CRNKL1: variants seen among roughly 807,000 people sequenced by gnomAD.
The protein encoded by CRNKL1 is crooked neck-like protein 1.
In CRNKL1, 35 loss-of-function variants were observed where a neutral mutation model predicts 103.7. That is an observed-to-expected ratio of 0.34 (90% CI 0.26 to 0.45). The LOEUF (loss-of-function observed/expected upper bound fraction) is 0.45. CRNKL1 is among the 20% of genes least tolerant of loss of function. CRNKL1 has a pLI of 1.00. For missense variants in CRNKL1, 645 were observed against 836.0 expected, an observed-to-expected ratio of 0.77 and a Z score of 2.82; for synonymous variants, 267 against 282.6, an observed-to-expected ratio of 0.94 and a Z score of 0.55.
At chr20:20,040,660 G>A in intron 10 of CRNKL1, 26 bp downstream of exon 10, 1 of 1,527,362 alleles carries the variant, frequency 6.5e-7, no homozygotes, top group Non-Finnish European at 9.0e-7. Context: ...AACTTGATGA[G>A]ACATCTTGAT....
intron 5 of CRNKL1, 106 bp downstream of exon 5, chr20:20,047,659 A>C: frequency 9.0e-7 from 1 of 1,116,770 alleles, no homozygotes; most frequent in Non-Finnish European, 1.2e-6. Flanking sequence ...CTTGACTTTG[A>C]GCCTGACATT....
Position 20,039,714 on chromosome 20 carries a change from G to A in CRNKL1, c.1440C>T (p.Thr480=), listed in dbSNP as rs773650568. ...CTAATTCAGCGAATTTAATCCATGA[G>A]GTACAATTTTCAGGTCCAAATTCCA... The part of the protein sequence containing the change: ...KFLEFGPENC[T]SWIKFAELET... Residue 480 remains threonine, a synonymous_variant, in exon 11 of 14, where the codon ACC becomes ACT. Transcript: ENST00000536226. 1.2e-6 allele frequency: 2 copies of A among 1,614,152 alleles called. No individual in the cohort carries two copies. The highest frequency in any genetic ancestry group is 2.2e-5 in the East Asian group (1 of 44,888).
rs372781262 is a variant in CRNKL1, at chr20:20,040,559, C to T, written c.1305+127G>A. 1,371 of 714,920 alleles carry T rather than the reference C, an allele frequency of 1.9e-3. 35 individuals are homozygous for T. In the South Asian group the frequency reaches 0.022, roughly 12 times the overall value. The allele number at this position is 714,920 out of a possible 1,614,324, so 44.3% of individuals were successfully genotyped here. On this transcript the variant is annotated intron_variant, in intron 10 of 13. Transcript: ENST00000536226. ...AGAGGACGCATGTTTTCTAACATGT[C>T]CCAGGCTATAAAGGTATAATACTTC...
chr20:20,046,397 G>A (rs925720463), intron 5 of CRNKL1, among the ~76,000 whole-genome samples: 1 of 152,224 alleles, frequency 6.6e-6, no homozygotes, highest in East Asian at 1.9e-4. Context: ...ACATAATTAA[G>A]ATCTTAACAT....
At chr20:20,039,926 T>G in intron 10 of CRNKL1, 78 bp from the exon 11 acceptor site, 3 of 1,430,680 alleles carry the variant, frequency 2.1e-6, no homozygotes, top group Non-Finnish European at 2.9e-6. Context: ...CCCTAGAGGC[T>G]GTTCTCTGCT....
At chr20:20,046,454 T>C (rs1387076362) in intron 5 of CRNKL1, among the ~76,000 whole-genome samples, 1 of 152,252 alleles carries the variant, frequency 6.6e-6, no homozygotes, top group Non-Finnish European at 1.5e-5. Flanking sequence ...ATCTTAATAC[T>C]GCATAATAAA....
chr20:20,041,594 G>A lies in CRNKL1; in HGVS notation c.1196C>T (p.Ala399Val). 3 of 1,613,562 alleles carry A rather than the reference G, an allele frequency of 1.9e-6. No homozygotes were observed. The change falls in exon 9 of 14, where the codon GCC (alanine) becomes GTC (valine). Residue 399 changes from alanine to valine, a missense_variant. By Grantham distance (64) the Ala-to-Val change is moderately conservative. This residue lies in a region of CRNKL1 where 582 missense variants were observed against 707.7 expected (regional missense o/e 0.82). Transcript: ENST00000536226. ...DPERTRQVYQ[A>V]SLELIPHKKF... Reference sequence around the variant, plus strand: ...TTTGTGAGGAATTAGTTCCAAAGAGGCTTGATACACCTGTCTTGTCCTCTC... The same window carrying A: ...TTTGTGAGGAATTAGTTCCAAAGAGACTTGATACACCTGTCTTGTCCTCTC...
chr20:20,051,894 G>C (rs73605569), intron 1 of CRNKL1, among the ~76,000 whole-genome samples: 12,112 of 151,884 alleles, frequency 0.08, 1,360 homozygotes, highest in East Asian at 0.6. Context: ...CCCTTCATAC[G>C]ACCCCCTTAT....
chr20:20,048,360 A>G lies in CRNKL1; in HGVS notation c.438T>C (p.Pro146=), dbSNP rs1231567429. 6 of 1,614,246 alleles carry G rather than the reference A, an allele frequency of 3.7e-6. No homozygotes were observed. In the South Asian group the frequency reaches 5.5e-5, roughly 15 times the overall value. ...AAACTTACCAGAACTGATTAACTCG[A>G]GGCAGCGTTGTTATGGCCCGGTCCC... is the stretch of plus-strand genomic sequence containing the variant. The part of the protein sequence containing the change: ...NIWDRAITTL[P]RVNQFWYKYT... The change falls in exon 4 of 14, where the codon CCT becomes CCC. Residue 146 remains proline (P), a synonymous_variant. Coordinates refer to ENST00000536226, the MANE Select transcript of CRNKL1 (RefSeq NM_001278628.2).
intron 3 of CRNKL1, 107 bp downstream of exon 3, chr20:20,049,233 C>T: frequency 1.5e-6 from 1 of 674,404 alleles, no homozygotes; most frequent in Non-Finnish European, 2.4e-6. Flanking sequence ...AAAATTTCTA[C>T]CCGAGGCACA....
intron 11 of CRNKL1, 104 bp from the exon 12 acceptor site, chr20:20,038,554 G>A: frequency 4.7e-6 from 3 of 640,626 alleles, no homozygotes; most frequent in South Asian, 1.9e-5. Flanking sequence ...TAGGAACATA[G>A]GATTTTTACT....
At chr20:20,037,671 T>C (rs1329863816) in intron 12 of CRNKL1, 100 bp from the exon 13 acceptor site, 1 of 1,111,258 alleles carries the variant, frequency 9.0e-7, no homozygotes, top group Non-Finnish European at 1.3e-6. Context: ...CATCGGAAAG[T>C]AATGTGTGCA....
At chr20:20,053,882 GT>G (rs1426025331), upstream of CRNKL1, among the ~76,000 whole-genome samples, 1 of 152,038 alleles carries the variant, frequency 6.6e-6, no homozygotes, top group African/African-American at 2.4e-5. Flanking sequence ...TGAATCATTG[GT>G]TTAATCATCT....
chr20:20,043,899 T>C (rs2043555129), intron 6 of CRNKL1, among the ~76,000 whole-genome samples: 1 of 152,162 alleles, frequency 6.6e-6, no homozygotes, highest in Non-Finnish European at 1.5e-5. Flanking sequence ...GGATGTCTAC[T>C]GCACATCTCA....
chr20:20,052,125 C>A (rs1325536938), intron 1 of CRNKL1, among the ~76,000 whole-genome samples, 167 bp downstream of exon 1: 3 of 151,858 alleles, frequency 2.0e-5, no homozygotes, highest in Non-Finnish European at 4.4e-5. Flanking sequence ...GGGTCGTGCT[C>A]CGCGATGACA....
At chr20:20,054,012 T>TG (rs1491401237), upstream of CRNKL1, among the ~76,000 whole-genome samples, 90 of 147,516 alleles carry the variant, frequency 6.1e-4, no homozygotes, top group East Asian at 2.6e-3. Flanking sequence ...TTTTTTTGTT[T>TG]GTTTTTTTTT....
At chr20:20,042,133 T>A (rs1358116233) in intron 8 of CRNKL1, among the ~76,000 whole-genome samples, 192 bp downstream of exon 8, 1 of 152,198 alleles carries the variant, frequency 6.6e-6, no homozygotes, top group Non-Finnish European at 1.5e-5. Context: ...GCCCCTCACG[T>A]GTGGCCACAA....
chr20:20,041,224 C>G (rs6035529), intron 9 of CRNKL1, among the ~76,000 whole-genome samples: 23,983 of 152,254 alleles, frequency 0.16, 3,710 homozygotes, highest in East Asian at 0.6. Flanking sequence ...GGGGCACATT[C>G]ATCTGTGCAT....
chr20:20,035,641 G>A lies in CRNKL1; in HGVS notation c.*554C>T, dbSNP rs1324735653. 1.3e-5 allele frequency: 2 copies of A among 152,288 alleles called. No individual in the cohort carries two copies. The allele number at this position is 152,288 out of a possible 1,614,324, so 9.4% of individuals were successfully genotyped here. A position where few individuals can be genotyped will look rare whatever the true frequency, so the allele number is the denominator to read the frequency against. Reference sequence around the variant, plus strand: ...ACTCGCATTCAATTCTACAAGGAATGAAACCATTTTTAAAAGTGGCTTAGA... The same window carrying A: ...ACTCGCATTCAATTCTACAAGGAATAAAACCATTTTTAAAAGTGGCTTAGA... On this transcript the variant is annotated 3_prime_UTR_variant, in exon 14 of 14. Coordinates refer to ENST00000536226, the MANE Select transcript of CRNKL1 (RefSeq NM_001278628.2).
Sources: allele counts gnomAD v4.1 joint callset (sites outside exome capture counted in the v4.1 genomes callset), GRCh38; gene constraint gnomAD v4.1.1; regional missense constraint gnomAD v4.1.1; transcripts MANE v1.5; gene names NCBI Gene and HGNC (gene_info 2026-07-23, HGNC 2026-07-21).